Variants in CPXM2 observed in about 807,000 individuals in gnomAD.
CPXM2 encodes the protein inactive carboxypeptidase-like protein X2.
CPXM2 carries 66 observed loss-of-function variants against 86.1 expected under a neutral mutation model. That is an observed-to-expected ratio of 0.77 (90% CI 0.63 to 0.94). The LOEUF (loss-of-function observed/expected upper bound fraction) is 0.94, where lower values mean the gene tolerates loss of function less well. Ranked by LOEUF, CPXM2 falls within the 40% of genes least tolerant of loss-of-function variation. The probability of loss-of-function intolerance (pLI) is 0.00; values close to 1 mark genes in which losing one functional copy is unlikely to be tolerated. For missense variants in CPXM2, 948 were observed against 1,026.3 expected, an observed-to-expected ratio of 0.92 and a Z score of 1.04; for synonymous variants, 388 against 400.2, an observed-to-expected ratio of 0.97 and a Z score of 0.36.
Position 123,902,096 on chromosome 10 carries a change from T to C in CPXM2, n.175-21787A>G, listed in dbSNP as rs907879494. Reference sequence around the variant, plus strand: ...AGCTTACAAACTATAGTGGATAAAATAGCATTTTTGCTCTTATTGGGGGTG... The same window carrying C: ...AGCTTACAAACTATAGTGGATAAAACAGCATTTTTGCTCTTATTGGGGGTG... On this transcript the variant is annotated intron_variant and non_coding_transcript_variant, in intron 2 of 19. Transcript: ENST00000368854. 3.9e-5 allele frequency among the ~76,000 whole-genome samples: 6 copies of C among 152,204 alleles called. No homozygotes were observed. The East Asian group carries it at 9.6e-4, about 24-fold the overall frequency.
chr10:123,841,484 C>T (rs949160505), intron 4 of CPXM2, among the ~76,000 whole-genome samples: 3 of 152,176 alleles, frequency 2.0e-5, no homozygotes, highest in Non-Finnish European at 4.4e-5. Flanking sequence ...TATACTGAAC[C>T]TCTGTACCTC....
At chr10:123,853,583 T>A (rs1038464928) in intron 3 of CPXM2, among the ~76,000 whole-genome samples, 1 of 152,300 alleles carries the variant, frequency 6.6e-6, no homozygotes, top group South Asian at 2.1e-4. Context: ...TGTTTTTGTG[T>A]TGTTGTTATA....
chr10:123,778,856 G>A (rs2134025293), intron 7 of CPXM2, among the ~76,000 whole-genome samples: 1 of 152,288 alleles, frequency 6.6e-6, no homozygotes, highest in South Asian at 2.1e-4. Flanking sequence ...CAGCCCTCAA[G>A]TCCAAACACA....
chr10:123,817,095 G>A (rs937173898), intron 4 of CPXM2, among the ~76,000 whole-genome samples: 1 of 152,176 alleles, frequency 6.6e-6, no homozygotes, highest in African/African-American at 2.4e-5. Flanking sequence ...CAAGAAAGAG[G>A]CACAATGCCT....
chr10:123,784,156 T>A (rs890167579), intron 6 of CPXM2, among the ~76,000 whole-genome samples: 1 of 152,174 alleles, frequency 6.6e-6, no homozygotes, highest in African/African-American at 2.4e-5. Context: ...AGTCCTCATC[T>A]GATAGGGAGA....
At chr10:123,827,283 A>C (rs572899360) in intron 4 of CPXM2, among the ~76,000 whole-genome samples, 8 of 152,346 alleles carry the variant, frequency 5.3e-5, no homozygotes, top group African/African-American at 1.7e-4. Context: ...AATCAGAAGA[A>C]GCCTCCTGAA....
Position 123,770,919 on chromosome 10 carries a change from C to T in CPXM2, c.1099G>A (p.Val367Ile). Reference sequence around the variant, plus strand: ...ATCCCAGAGGGGCCCTTCTCACCGACTTCATGCTCCCCAGGGTGATCTGAG... The same window carrying T: ...ATCCCAGAGGGGCCCTTCTCACCGATTTCATGCTCCCCAGGGTGATCTGAG... ...EISDHPGEHE[V>I]GEPEFHYIAG... Residue 367 changes from valine to isoleucine, a missense_variant, in exon 8 of 14, where the codon GTC becomes ATC. Val to Ile is a conservative substitution (Grantham distance 29). Coordinates refer to ENST00000241305, the MANE Select transcript of CPXM2 (RefSeq NM_198148.3). 1.2e-6 allele frequency: 2 copies of T among 1,608,730 alleles called. No individual in the cohort carries two copies. The highest frequency in any genetic ancestry group is 1.7e-6 in the Non-Finnish European group (2 of 1,178,358).
At chr10:123,916,710 A>G (rs1314337366) in intron 2 of CPXM2, among the ~76,000 whole-genome samples, 1 of 152,034 alleles carries the variant, frequency 6.6e-6, no homozygotes, top group African/African-American at 2.4e-5. Context: ...ATCTGGCTAA[A>G]TGATCTGAAG....
chr10:123,797,608 G>GCC (rs1406433640), intron 6 of CPXM2, among the ~76,000 whole-genome samples: 6 of 58,902 alleles, frequency 1.0e-4, no homozygotes. Flanking sequence ...GAGACAGGGT[G>GCC]GAGTGTAGTG....
chr10:123,894,264 C>A (rs1945315536), upstream of CPXM2, among the ~76,000 whole-genome samples: 1 of 152,178 alleles, frequency 6.6e-6, no homozygotes, highest in Non-Finnish European at 1.5e-5. Flanking sequence ...ATAACATATA[C>A]CCGCTCTGCA....
At chr10:123,889,786 T>C (rs1945237401) in intron 1 of CPXM2, among the ~76,000 whole-genome samples, 1 of 152,140 alleles carries the variant, frequency 6.6e-6, no homozygotes, top group Non-Finnish European at 1.5e-5. Flanking sequence ...GGCCCAGTCT[T>C]CAGACTCCCA....
intron 10 of CPXM2, among the ~76,000 whole-genome samples, chr10:123,766,517 A>G (rs985394135): frequency 2.6e-5 from 4 of 152,200 alleles, no homozygotes; most frequent in Non-Finnish European, 5.9e-5. Flanking sequence ...GTAAAACAAG[A>G]CCTAAGAAAT....
intron 4 of CPXM2, among the ~76,000 whole-genome samples, chr10:123,818,297 G>C (rs1181522322): frequency 1.3e-5 from 2 of 152,162 alleles, no homozygotes; most frequent in Non-Finnish European, 2.9e-5. Flanking sequence ...GGTTACGCAT[G>C]GGCTCAGCAA....
At chr10:123,916,239 A>C (rs28534680) in intron 2 of CPXM2, among the ~76,000 whole-genome samples, 1 of 151,984 alleles carries the variant, frequency 6.6e-6, no homozygotes, top group Non-Finnish European at 1.5e-5. Context: ...ATGCTATTAT[A>C]TGTGGGATCA....
rs143197795 is a variant in CPXM2, at chr10:123,881,228, CTTCTCT to C, written c.305-925_305-920del. ...ATGTTGTTCCTTCTCCTGGAGCACC[CTTCTCT>C]TCCCTTCCCTTCCCTTCCCTTCCCT... On this transcript the variant is annotated intron_variant, in intron 1 of 13. Coordinates refer to ENST00000241305, the MANE Select transcript of CPXM2 (RefSeq NM_198148.3). Among the ~76,000 whole-genome samples the C allele has an allele frequency of 8.8e-3, 807 of 91,622 alleles. 76 individuals carry two copies. The highest frequency in any genetic ancestry group is 0.011 in the Non-Finnish European group (468 of 42,680). 60.1% of individuals were successfully genotyped at this position (91,622 alleles called of 152,430 possible). A position where few individuals can be genotyped will look rare whatever the true frequency, so the allele number is the denominator to read the frequency against.
chr10:123,913,912 C>T (rs910548926), intron 2 of CPXM2: 1 of 440,190 alleles, frequency 2.3e-6, no homozygotes, highest in Non-Finnish European at 4.6e-6. Context: ...GGAAGCTGCC[C>T]ACAGCCTATG....
At chr10:123,776,991 AC>A (rs1174157621) in intron 7 of CPXM2, 3 of 152,196 alleles carry the variant, frequency 2.0e-5, no homozygotes, top group Non-Finnish European at 4.4e-5. Context: ...TGTCTGAGAA[AC>A]AGGCACCGCA....
intron 2 of CPXM2, among the ~76,000 whole-genome samples, chr10:123,920,096 G>A (rs1421796010): frequency 6.6e-6 from 1 of 151,902 alleles, no homozygotes; most frequent in Admixed American, 6.6e-5. Context: ...GATTTAATGG[G>A]GTCAAACAAA....
At chr10:123,854,374 A>ATATATATATATATAT (rs1848666279) in intron 3 of CPXM2, among the ~76,000 whole-genome samples, 1 of 83,084 alleles carries the variant, frequency 1.2e-5, no homozygotes, top group African/African-American at 5.4e-5. Context: ...ATATATATAT[A>ATATATATATATATAT]ATATATATAT....
Sources: gnomAD v4.1 joint callset for allele counts (sites outside exome capture counted in the v4.1 genomes callset) on GRCh38, gnomAD v4.1.1 for gene constraint, MANE v1.5 for transcripts, NCBI Gene and HGNC (gene_info 2026-07-23, HGNC 2026-07-21) for gene names.